HDAC8: variants seen among roughly 807,000 people sequenced by gnomAD.
HDAC8 encodes the protein histone deacetylase-like 1.
A neutral mutation model predicts 32.2 loss-of-function variants in HDAC8; 1 was observed. That is an observed-to-expected ratio of 0.03 (90% CI 0.01 to 0.15). HDAC8 has a LOEUF of 0.15. Ranked by LOEUF, HDAC8 falls within the 10% of genes least tolerant of loss-of-function variation. The pLI, the probability that HDAC8 is intolerant of heterozygous loss-of-function variation, is 1.00. For missense variants in HDAC8, 117 were observed against 300.0 expected, an observed-to-expected ratio of 0.39 and a Z score of 4.51; for synonymous variants, 108 against 113.9, an observed-to-expected ratio of 0.95 and a Z score of 0.33.
At chrX:72,551,338 A>G (rs2051064848) in intron 4 of HDAC8, among the ~76,000 whole-genome samples, 1 of 112,110 alleles carries the variant, frequency 8.9e-6, no homozygotes, top group Non-Finnish European at 1.9e-5. Context: ...ATCTTGAAAT[A>G]TCATGCAATT....
At chrX:72,392,605 C>A (rs2045642118) in intron 9 of HDAC8, among the ~76,000 whole-genome samples, 1 of 111,953 alleles carries the variant, frequency 8.9e-6, no homozygotes, top group Non-Finnish European at 1.9e-5. Flanking sequence ...TGCTGTGAGG[C>A]ACAAATCTAA....
At chrX:72,544,417 C>G (rs1184437744) in intron 4 of HDAC8, among the ~76,000 whole-genome samples, 1 of 111,504 alleles carries the variant, frequency 9.0e-6, no homozygotes, top group Non-Finnish European at 1.9e-5. Context: ...TTTTGTGTGA[C>G]AGGGAACCAA....
intron 4 of HDAC8, among the ~76,000 whole-genome samples, chrX:72,550,279 G>A (rs1317000991): frequency 9.1e-6 from 1 of 110,253 alleles, no homozygotes; most frequent in Non-Finnish European, 1.9e-5. Flanking sequence ...CTTATCTCTG[G>A]CCATTTATCT....
chrX:72,353,201 C>A (rs1555949471), intron 9 of HDAC8, among the ~76,000 whole-genome samples: 1 of 112,263 alleles, frequency 8.9e-6, no homozygotes, highest in African/African-American at 3.2e-5. Context: ...TGTTGTGGAA[C>A]AATCTCTAGG....
At chrX:72,346,839 G>A (rs1555947079) in intron 10 of HDAC8, among the ~76,000 whole-genome samples, 1 of 112,056 alleles carries the variant, frequency 8.9e-6, no homozygotes, top group Admixed American at 9.4e-5. Context: ...GGTTGCCCAA[G>A]GCTGTCTTCT....
chrX:72,525,443 C>T (rs1490084856), intron 4 of HDAC8, among the ~76,000 whole-genome samples: 1 of 110,753 alleles, frequency 9.0e-6, no homozygotes, highest in Non-Finnish European at 1.9e-5. Context: ...AGCGTCACAA[C>T]CTTCTTGCCT....
At chrX:72,428,484 T>C (rs2046716537) in intron 9 of HDAC8, among the ~76,000 whole-genome samples, 1 of 112,179 alleles carries the variant, frequency 8.9e-6, no homozygotes, top group African/African-American at 3.2e-5. Context: ...ATTTAATACA[T>C]GATTGTTGTT....
chrX:72,443,058 G>T (rs1268470572), intron 9 of HDAC8, among the ~76,000 whole-genome samples: 2 of 104,103 alleles, frequency 1.9e-5, no homozygotes, highest in African/African-American at 3.5e-5. Context: ...GACCTACAAA[G>T]AGACTTAGAC....
At chrX:72,418,759 G>A (rs1025456270) in intron 9 of HDAC8, among the ~76,000 whole-genome samples, 1 of 111,184 alleles carries the variant, frequency 9.0e-6, no homozygotes, top group Non-Finnish European at 1.9e-5. Context: ...GATTGTTATG[G>A]TTTTAGCTCT....
intron 4 of HDAC8, among the ~76,000 whole-genome samples, chrX:72,565,674 A>G (rs2051753083): frequency 8.9e-6 from 1 of 111,928 alleles, no homozygotes; most frequent in African/African-American, 3.3e-5. Flanking sequence ...ACTGGATGTC[A>G]TTCATAGAAG....
At position 72,490,263 on chromosome X, in the gene HDAC8, A is replaced by G. The variant is rs1367608428; in HGVS notation, c.628+666T>C. 5.4e-5 allele frequency among the ~76,000 whole-genome samples: 6 copies of G among 110,962 alleles called. No homozygotes were observed. In the East Asian group the frequency reaches 1.7e-3, roughly 32 times the overall value. ...CCATCCCATTACTGGGTATATACCC[A>G]AAGGACTATAAATCACGCTGCTATA... On this transcript the variant is annotated intron_variant, in intron 6 of 10. Transcript: ENST00000373573.
chrX:72,519,661 C>T (rs944753725), intron 4 of HDAC8, among the ~76,000 whole-genome samples: 18 of 111,689 alleles, frequency 1.6e-4, no homozygotes, highest in Non-Finnish European at 3.2e-4. Flanking sequence ...ACGAACATGG[C>T]TTACTGCAGC....
chrX:72,517,849 A>G (rs1260246889), intron 4 of HDAC8, among the ~76,000 whole-genome samples: 2 of 111,357 alleles, frequency 1.8e-5, no homozygotes, highest in Non-Finnish European at 3.8e-5. Flanking sequence ...CTTTTTCAAG[A>G]TTATTTTAGT....
In HDAC8 at chrX:72,370,328, A is replaced by T. The variant is rs1295304812; in HGVS notation, c.1006-18490T>A. Among the ~76,000 whole-genome samples the T allele has an allele frequency of 6.0e-4, 67 of 112,123 alleles. No individual in the cohort carries two copies. The Admixed American group carries it at 6.3e-3, about 11-fold the overall frequency. The stretch of plus-strand genomic sequence containing the variant: ...TAGGTAAAATTTAACAGAGATTGGT[A>T]TTAGCTGATGTATTAGGGTTCTCTA... On this transcript the variant is annotated intron_variant, in intron 9 of 10. Transcript: ENST00000373573.
chrX:72,433,971 A>G (rs1250997629), intron 9 of HDAC8, among the ~76,000 whole-genome samples: 2 of 112,658 alleles, frequency 1.8e-5, no homozygotes, highest in Non-Finnish European at 3.8e-5. Context: ...TCTTTCTCAT[A>G]GGATTTTTGT....
chrX:72,358,292 A>C (rs2044434915), intron 9 of HDAC8, among the ~76,000 whole-genome samples: 1 of 111,237 alleles, frequency 9.0e-6, no homozygotes, highest in Non-Finnish European at 1.9e-5. Context: ...TTCCTTCCTT[A>C]AGTTAAGAAC....
At chrX:72,519,340 T>C (rs1311982605) in intron 4 of HDAC8, among the ~76,000 whole-genome samples, 1 of 111,968 alleles carries the variant, frequency 8.9e-6, no homozygotes, top group African/African-American at 3.2e-5. Context: ...TGCTGGGATA[T>C]ATGATAAATT....
At chrX:72,541,996 C>T (rs901979824) in intron 4 of HDAC8, among the ~76,000 whole-genome samples, 2 of 111,797 alleles carry the variant, frequency 1.8e-5, no homozygotes, top group Non-Finnish European at 3.8e-5. Context: ...TATTTCCAGT[C>T]TTAGTTATAA....
chrX:72,514,647 C>T (rs998237189), intron 4 of HDAC8, among the ~76,000 whole-genome samples: 20 of 111,823 alleles, frequency 1.8e-4, no homozygotes, highest in African/African-American at 5.5e-4. Flanking sequence ...TATTTAGCCA[C>T]CCCTTTACTT....
Sources: allele counts gnomAD v4.1 joint callset (sites outside exome capture counted in the v4.1 genomes callset), GRCh38; gene constraint gnomAD v4.1.1; transcripts MANE v1.5; gene names NCBI Gene and HGNC (gene_info 2026-07-23, HGNC 2026-07-21).